SNTG1: variants seen among roughly 807,000 people sequenced by gnomAD.
The protein encoded by SNTG1 is syntrophin gamma 1.
SNTG1 carries 39 observed loss-of-function variants against 74.7 expected under a neutral mutation model. The observed-to-expected ratio is 0.52, with a 90% CI of 0.40 to 0.68. The LOEUF is 0.68. Among genes scored for constraint, SNTG1 ranks in the 30% least tolerant of loss-of-function variants. SNTG1 has a pLI of 0.00. For missense variants in SNTG1, 685 were observed against 609.5 expected, an observed-to-expected ratio of 1.12 and a Z score of -1.30; for synonymous variants, 254 against 217.1, an observed-to-expected ratio of 1.17 and a Z score of -1.49.
At chr8:50,584,258 C>CGTGATTT (rs1218732059) in intron 12 of SNTG1, among the ~76,000 whole-genome samples, 7 of 30,166 alleles carry the variant, frequency 2.3e-4, no homozygotes, top group African/African-American at 1.0e-3. Context: ...TTTATAGCAG[C>CGTGATTT]ATGATCCTTT....
At chr8:50,622,029 C>T (rs1047766379) in intron 13 of SNTG1, among the ~76,000 whole-genome samples, 3 of 152,114 alleles carry the variant, frequency 2.0e-5, no homozygotes, top group Non-Finnish European at 4.4e-5. Flanking sequence ...CCCTCTATGC[C>T]AGCAGTGCTC....
chr8:50,329,906 C>T (rs1267420148), intron 2 of SNTG1, among the ~76,000 whole-genome samples: 1 of 152,110 alleles, frequency 6.6e-6, no homozygotes, highest in Non-Finnish European at 1.5e-5. Flanking sequence ...CAGATCATCT[C>T]TTTCCAGTAA....
intron 2 of SNTG1, among the ~76,000 whole-genome samples, chr8:50,176,123 T>A (rs1265597260): frequency 3.3e-5 from 5 of 152,158 alleles, no homozygotes; most frequent in African/African-American, 1.2e-4. Context: ...ATACATAGTT[T>A]TTTTTTGCTA....
At chr8:50,020,960 T>G (rs1816762511) in intron 1 of SNTG1, among the ~76,000 whole-genome samples, 1 of 152,164 alleles carries the variant, frequency 6.6e-6, no homozygotes, top group South Asian at 2.1e-4. Flanking sequence ...TTTCTCAAAT[T>G]GCAATCTACA....
rs547314607 is a variant in SNTG1 at position 50,530,566 on chromosome 8, A to C, written c.549+307A>C. ...CATTATATGTGATTTCAGGTTCAAA[A>C]TGCTTTGACATTAGTTTTCTCACTT... On this transcript the variant is annotated intron_variant, in intron 10 of 18. Transcript: ENST00000642720. 3.0e-4 allele frequency among the ~76,000 whole-genome samples: 45 copies of C among 152,312 alleles called. 1 individual carries two copies. The highest frequency in any genetic ancestry group is 2.9e-4 in the Non-Finnish European group (20 of 68,008).
intron 2 of SNTG1, among the ~76,000 whole-genome samples, chr8:50,376,399 C>T (rs1346315508): frequency 6.6e-6 from 1 of 151,948 alleles, no homozygotes; most frequent in Non-Finnish European, 1.5e-5. Flanking sequence ...TAGTATTTTT[C>T]ACTTGCATAA....
chr8:50,171,854 G>A (rs546846101), intron 1 of SNTG1, among the ~76,000 whole-genome samples: 1 of 152,220 alleles, frequency 6.6e-6, no homozygotes, highest in South Asian at 2.1e-4. Context: ...TATGGAGCCA[G>A]CTTCATCCCC....
intron 1 of SNTG1, among the ~76,000 whole-genome samples, chr8:49,987,452 C>T (rs954435688): frequency 3.9e-5 from 6 of 152,038 alleles, no homozygotes; most frequent in African/African-American, 1.4e-4. Flanking sequence ...GTCACAACAA[C>T]CTCAAAATCT....
chr8:50,006,906 A>T (rs1815294828), intron 1 of SNTG1, among the ~76,000 whole-genome samples: 1 of 152,168 alleles, frequency 6.6e-6, no homozygotes, highest in Admixed American at 6.5e-5. Flanking sequence ...TCACCTTTGC[A>T]GGTGTTTCCC....
intron 1 of SNTG1, among the ~76,000 whole-genome samples, chr8:50,079,668 G>A (rs1822222196): frequency 6.6e-6 from 1 of 152,048 alleles, no homozygotes; most frequent in Admixed American, 6.5e-5. Context: ...TATTGCCTAG[G>A]TTTTCTTCTA....
intron 1 of SNTG1, among the ~76,000 whole-genome samples, chr8:50,171,010 C>A (rs976076287): frequency 3.3e-5 from 5 of 152,100 alleles, no homozygotes; most frequent in African/African-American, 1.2e-4. Context: ...CTCCTTCAAA[C>A]TGATTAATTC....
intron 17 of SNTG1, among the ~76,000 whole-genome samples, chr8:50,740,361 A>G (rs1384457466): frequency 8.4e-6 from 1 of 119,666 alleles, no homozygotes; most frequent in Non-Finnish European, 1.6e-5. Context: ...CAAAAAACAT[A>G]TGAAAAAAAA....
intron 16 of SNTG1, among the ~76,000 whole-genome samples, chr8:50,707,092 C>T (rs1209992997): frequency 2.0e-5 from 3 of 151,908 alleles, no homozygotes; most frequent in Non-Finnish European, 4.4e-5. Context: ...GAACTTGAGT[C>T]TGTATATAAA....
chr8:50,742,392 A>G (rs1408728412), intron 17 of SNTG1, among the ~76,000 whole-genome samples: 3 of 152,032 alleles, frequency 2.0e-5, no homozygotes, highest in African/African-American at 4.8e-5. Flanking sequence ...TCCAGAAAGA[A>G]ATGGAAATCA....
At chr8:49,912,557 C>T (rs1464346995) in intron 1 of SNTG1, among the ~76,000 whole-genome samples, 1 of 151,968 alleles carries the variant, frequency 6.6e-6, no homozygotes, top group Non-Finnish European at 1.5e-5. Flanking sequence ...TTATGTATGC[C>T]ATAAAAAGTG....
At chr8:50,460,482 A>G (rs147992465) in intron 8 of SNTG1, among the ~76,000 whole-genome samples, 6 of 152,174 alleles carry the variant, frequency 3.9e-5, no homozygotes, top group South Asian at 2.1e-4. Context: ...GAAGCTGTTT[A>G]GTTTAATTAG....
intron 1 of SNTG1, among the ~76,000 whole-genome samples, chr8:50,065,358 A>G (rs1380059684): frequency 6.6e-6 from 1 of 152,188 alleles, no homozygotes; most frequent in Non-Finnish European, 1.5e-5. Flanking sequence ...TTAATTTTAC[A>G]TAACAAATAT....
intron 9 of SNTG1, among the ~76,000 whole-genome samples, chr8:50,528,827 A>T (rs976572157): frequency 6.7e-6 from 1 of 149,936 alleles, no homozygotes; most frequent in Non-Finnish European, 1.5e-5. Context: ...CTATGGGTTT[A>T]TCTAATTTAT....
chr8:49,911,492 A>G lies in SNTG1; in HGVS notation c.-842A>G, dbSNP rs2129332335. 1 of 151,790 alleles carries G rather than the reference A, an allele frequency of 6.6e-6. No homozygotes were observed. The highest frequency in any genetic ancestry group is 1.9e-4 in the East Asian group (1 of 5,142). 9.4% of individuals were successfully genotyped at this position (151,790 alleles called of 1,614,324 possible). ...ATTTCCCAGGGATTCCTGTTTTTCC[A>G]GAAACGTTGTCACCAAATAAGTATG... On this transcript the variant is annotated 5_prime_UTR_variant, in exon 1 of 19. Coordinates refer to ENST00000642720, the MANE Select transcript of SNTG1 (RefSeq NM_018967.5).
Sources: gnomAD v4.1 joint callset for allele counts (sites outside exome capture counted in the v4.1 genomes callset) on GRCh38, gnomAD v4.1.1 for gene constraint, MANE v1.5 for transcripts, NCBI Gene and HGNC (gene_info 2026-07-23, HGNC 2026-07-21) for gene names.